The following TMEM178A variants were observed in gnomAD, a reference collection of about 807,000 sequenced individuals.
The protein encoded by TMEM178A is transmembrane protein 178.
In TMEM178A, 12 loss-of-function variants were observed where a neutral mutation model predicts 29.1. The ratio of observed to expected loss-of-function variants is 0.41; its 90% CI spans 0.26 to 0.67. The LOEUF is 0.67. Among genes scored for constraint, TMEM178A ranks in the 30% least tolerant of loss-of-function variants. The pLI, the probability that TMEM178A is intolerant of heterozygous loss-of-function variation, is 0.29. For missense variants in TMEM178A, 366 were observed against 419.1 expected (o/e 0.87, Z 1.11); for synonymous variants, 210 against 187.2 (o/e 1.12, Z -0.99).
chr2:39,687,938 G>A (rs1053585837), intron 1 of TMEM178A, among the ~76,000 whole-genome samples: 1 of 152,228 alleles, frequency 6.6e-6, no homozygotes, highest in African/African-American at 2.4e-5. Flanking sequence ...CTTGTTAGCT[G>A]TGGGACTGTA....
chr2:39,698,202 A>G (rs1671632959), intron 1 of TMEM178A, among the ~76,000 whole-genome samples: 1 of 152,232 alleles, frequency 6.6e-6, no homozygotes, highest in Admixed American at 6.5e-5. Context: ...TTTCTGAGTA[A>G]TAGTATTTAA....
At chr2:39,670,854 C>T (rs1253163412) in intron 1 of TMEM178A, among the ~76,000 whole-genome samples, 1 of 152,108 alleles carries the variant, frequency 6.6e-6, no homozygotes, top group African/African-American at 2.4e-5. Context: ...TTTAATGAAA[C>T]ATTTTCATTA....
intron 3 of TMEM178A, among the ~76,000 whole-genome samples, chr2:39,709,522 C>T (rs1672209978): frequency 6.6e-6 from 1 of 152,122 alleles, no homozygotes; most frequent in Admixed American, 6.5e-5. Context: ...GGGTTCCTGC[C>T]CAAGGGATGC....
At chr2:39,684,539 T>C (rs868239986) in intron 1 of TMEM178A, among the ~76,000 whole-genome samples, 1 of 152,246 alleles carries the variant, frequency 6.6e-6, no homozygotes, top group African/African-American at 2.4e-5. Flanking sequence ...CAAAGTATTT[T>C]AATGTGTGGA....
At chr2:39,720,847 C>T (rs991163533), downstream of TMEM178A, among the ~76,000 whole-genome samples, 1 of 152,170 alleles carries the variant, frequency 6.6e-6, no homozygotes, top group Non-Finnish European at 1.5e-5. Flanking sequence ...GAGAATATAG[C>T]TTGGCAAGCA....
upstream of TMEM178A, chr2:39,665,908 G>T (rs1670123902): frequency 7.7e-7 from 1 of 1,291,650 alleles, no homozygotes; most frequent in African/African-American, 1.6e-5. Context: ...CGGAGAGCTG[G>T]GGCCAAGTGC....
At chr2:39,714,326 G>A (rs1383890777) in intron 3 of TMEM178A, among the ~76,000 whole-genome samples, 1 of 151,952 alleles carries the variant, frequency 6.6e-6, no homozygotes, top group African/African-American at 2.4e-5. Flanking sequence ...AAACAAGTCT[G>A]CATCAAAGTT....
chr2:39,688,013 C>A (rs1029295844), intron 1 of TMEM178A, among the ~76,000 whole-genome samples: 2 of 152,180 alleles, frequency 1.3e-5, no homozygotes, highest in African/African-American at 4.8e-5. Context: ...AACAATAGAA[C>A]CTATCAGATG....
At chr2:39,705,915 A>G (rs1672010991) in intron 2 of TMEM178A, among the ~76,000 whole-genome samples, 1 of 152,212 alleles carries the variant, frequency 6.6e-6, no homozygotes, top group East Asian at 1.9e-4. Context: ...CAGCAGATGT[A>G]TGCTTGGGAT....
the TMEM178A span, among the ~76,000 whole-genome samples, chr2:39,723,637 A>G: frequency 6.6e-6 from 1 of 152,210 alleles, no homozygotes; most frequent in African/African-American, 2.4e-5. Context: ...GTACCTCCTC[A>G]GTGACTGTGT....
intron 1 of TMEM178A, among the ~76,000 whole-genome samples, chr2:39,693,895 T>C (rs1410303490): frequency 6.6e-6 from 1 of 151,408 alleles, no homozygotes; most frequent in Non-Finnish European, 1.5e-5. Context: ...CCTAACCCAA[T>C]GACAGATTCC....
At position 39,717,742 on chromosome 2, in the gene TMEM178A, T is replaced by C. The variant is rs1672608203; in HGVS notation, c.*491T>C. On this transcript the variant is annotated 3_prime_UTR_variant, in exon 4 of 4. Coordinates refer to ENST00000281961, the MANE Select transcript of TMEM178A (RefSeq NM_152390.3). ...AATATTTGTGCATTATTTGTGGACG[T>C]TCCTTGTCACAGGAAGATTCTTCTT... The C allele has an allele frequency of 6.5e-6, 1 of 153,644 alleles. No individual in the cohort carries two copies. 9.5% of individuals were successfully genotyped at this position (153,644 alleles called of 1,614,324 possible). A position where few individuals can be genotyped will look rare whatever the true frequency, so the allele number is the denominator to read the frequency against.
At chr2:39,666,481 G>A in intron 1 of TMEM178A, 107 bp downstream of exon 1, 2 of 930,254 alleles carry the variant, frequency 2.1e-6, no homozygotes, top group Non-Finnish European at 2.7e-6. Context: ...CCGCGGCCCC[G>A]CGCCTGGGCA....
At chr2:39,669,572 C>CT (rs1434126958) in intron 1 of TMEM178A, among the ~76,000 whole-genome samples, 1 of 152,118 alleles carries the variant, frequency 6.6e-6, no homozygotes, top group Non-Finnish European at 1.5e-5. Flanking sequence ...TCTATCTAGC[C>CT]CAGAGCCTGG....
chr2:39,718,744 GT>G (rs1394550570), downstream of TMEM178A, among the ~76,000 whole-genome samples: 1 of 151,788 alleles, frequency 6.6e-6, no homozygotes, highest in East Asian at 1.9e-4. Flanking sequence ...AAATTCTTCC[GT>G]TGTGTTTGCT....
chr2:39,727,688 G>A, the TMEM178A span, among the ~76,000 whole-genome samples: 4 of 152,170 alleles, frequency 2.6e-5, no homozygotes, highest in East Asian at 7.7e-4. Context: ...TTTGCATTAG[G>A]TAATTCTCCT....
At chr2:39,728,522 A>G in the TMEM178A span, among the ~76,000 whole-genome samples, 222 of 152,342 alleles carry the variant, frequency 1.5e-3, 1 homozygote, top group African/African-American at 5.2e-3. Context: ...AAAAAATGCT[A>G]TAAAATAGTA....
At chr2:39,683,762 T>G (rs911026384) in intron 1 of TMEM178A, among the ~76,000 whole-genome samples, 1 of 152,210 alleles carries the variant, frequency 6.6e-6, no homozygotes, top group Non-Finnish European at 1.5e-5. Context: ...TCAGTATGGA[T>G]GAGGATGGGC....
At chr2:39,703,263 T>C (rs111546590) in intron 1 of TMEM178A, among the ~76,000 whole-genome samples, 5 of 152,334 alleles carry the variant, frequency 3.3e-5, no homozygotes, top group African/African-American at 7.2e-5. Flanking sequence ...TATAAGTTTT[T>C]TTAAATTTTA....
Sources: allele counts gnomAD v4.1 joint callset (sites outside exome capture counted in the v4.1 genomes callset), GRCh38; gene constraint gnomAD v4.1.1; transcripts MANE v1.5; gene names NCBI Gene and HGNC (gene_info 2026-07-23, HGNC 2026-07-21).